The following DMD variants were observed in gnomAD, a reference collection of about 807,000 sequenced individuals.
DMD encodes the protein dystrophin, also known as mutant dystrophin.
Under a neutral mutation model 330.1 loss-of-function variants are expected in DMD, and 63 were observed. The observed-to-expected ratio is 0.19, with a 90% CI of 0.16 to 0.24. DMD has a LOEUF of 0.24. Among genes scored for constraint, DMD ranks in the 10% least tolerant of loss-of-function variants. The probability of loss-of-function intolerance (pLI) is 1.00; values close to 1 mark genes in which losing one functional copy is unlikely to be tolerated. For missense variants in DMD, 3,344 were observed against 2,684.1 expected, an observed-to-expected ratio of 1.25 and a Z score of -5.43; for synonymous variants, 1,223 against 959.8, an observed-to-expected ratio of 1.27 and a Z score of -5.07.
At chrX:32,988,701 G>A (rs1330708814) in intron 2 of DMD, among the ~76,000 whole-genome samples, 2 of 112,271 alleles carry the variant, frequency 1.8e-5, no homozygotes. Flanking sequence ...TAATTGTGTA[G>A]TGTGACTATG....
rs1006311954 is a variant in DMD, at chrX:32,970,642, C to CTGATAA, written c.93+49491_93+49496dup. Among the ~76,000 whole-genome samples the CTGATAA allele has an allele frequency of 7.7e-5, 7 of 91,297 alleles. 1 individual carries two copies. Among genetic ancestry groups the CTGATAA allele is most frequent in the Admixed American group, 2.2e-4 (2 of 9,098 alleles). The allele number at this position is 91,297 out of a possible 115,157, so 79.3% of individuals were successfully genotyped here. A position where few individuals can be genotyped will look rare whatever the true frequency, so the allele number is the denominator to read the frequency against. ...GAGCGAGACTCCATCTCAAATAATACTGATAATGATAATGATAATGATAAT... is the reference window on the plus strand; with the variant it reads ...GAGCGAGACTCCATCTCAAATAATACTGATAATGATAATGATAATGATAATGATAAT... On this transcript the variant is annotated intron_variant, in intron 2 of 78. Coordinates refer to ENST00000357033, the MANE Select transcript of DMD (RefSeq NM_004006.3).
chrX:32,517,885 A>C, intron 18 of DMD, 123 bp downstream of exon 18: 6 of 800,560 alleles, frequency 7.5e-6, no homozygotes, highest in Non-Finnish European at 1.1e-5. Context: ...TTTTTAAGAC[A>C]TATTAAACAG....
chrX:32,702,796 T>C (rs183011883), intron 7 of DMD, among the ~76,000 whole-genome samples: 1 of 111,184 alleles, frequency 9.0e-6, no homozygotes, highest in Non-Finnish European at 1.9e-5. Flanking sequence ...AATGACTTCA[T>C]TCAATTTTCA....
At chrX:33,093,901 A>G (rs1303931980) in intron 1 of DMD, among the ~76,000 whole-genome samples, 2 of 111,725 alleles carry the variant, frequency 1.8e-5, no homozygotes, top group African/African-American at 3.2e-5. Flanking sequence ...AAACTTCAAT[A>G]TATTTTACAA....
chrX:31,272,656 G>A (rs2051741706), intron 62 of DMD, among the ~76,000 whole-genome samples: 1 of 112,095 alleles, frequency 8.9e-6, no homozygotes, highest in African/African-American at 3.2e-5. Flanking sequence ...ACACATTTTT[G>A]TAAAAAAATC....
chrX:31,951,002 C>A (rs925214353), intron 45 of DMD, among the ~76,000 whole-genome samples: 9 of 104,989 alleles, frequency 8.6e-5, no homozygotes, highest in Non-Finnish European at 1.8e-4. Context: ...TATCCCATAT[C>A]CAAAATGCTT....
intron 2 of DMD, among the ~76,000 whole-genome samples, chrX:32,920,475 T>TCC (rs1271433502): frequency 9.1e-6 from 1 of 109,504 alleles, no homozygotes; most frequent in Non-Finnish European, 1.9e-5. Context: ...TACATTCTCC[T>TCC]CCCTCCCATC....
At chrX:32,162,995 C>T (rs1395411902) in intron 44 of DMD, among the ~76,000 whole-genome samples, 1 of 111,718 alleles carries the variant, frequency 9.0e-6, no homozygotes, top group Non-Finnish European at 1.9e-5. Context: ...GAATCCCATA[C>T]TTTCATCCAA....
chrX:33,229,668 A>G (rs2052355532), intron 1 of DMD, among the ~76,000 whole-genome samples: 1 of 112,015 alleles, frequency 8.9e-6, no homozygotes, highest in Non-Finnish European at 1.9e-5. Context: ...CTGTAGCTAC[A>G]TAATAAGCCT....
rs768816382 is a variant in DMD at position 33,300,372 on chromosome X, C to T, written c.7+38887G>A. ...CATAAAGGCATGAGATTATCAGGCA[C>T]CCATGTCAATATGATCAGGTGAAAA... On this transcript the variant is annotated intron_variant, in intron 1 of 17. Transcript: ENST00000288447. Among the ~76,000 whole-genome samples the T allele has an allele frequency of 2.0e-3, 224 of 112,274 alleles. 2 individuals carry two copies. The highest frequency in any genetic ancestry group is 7.0e-3 in the African/African-American group (216 of 30,969).
At chrX:32,739,076 A>C (rs185926825) in intron 7 of DMD, among the ~76,000 whole-genome samples, 2 of 112,272 alleles carry the variant, frequency 1.8e-5, no homozygotes, top group East Asian at 5.6e-4. Context: ...AAATGTTTCA[A>C]ATCAACTAAT....
intron 48 of DMD, among the ~76,000 whole-genome samples, chrX:31,860,483 G>C (rs1238288795): frequency 9.0e-6 from 1 of 111,435 alleles, no homozygotes; most frequent in Admixed American, 9.5e-5. Flanking sequence ...TGGTGTCCAA[G>C]ATGGGTAAAG....
At chrX:32,562,882 T>C (rs1332299494) in intron 16 of DMD, among the ~76,000 whole-genome samples, 1 of 111,646 alleles carries the variant, frequency 9.0e-6, no homozygotes, top group Non-Finnish European at 1.9e-5. Flanking sequence ...TTTGGATCAA[T>C]CCCATGACAG....
chrX:31,524,233 C>T (rs778277986), intron 55 of DMD, among the ~76,000 whole-genome samples: 1 of 111,772 alleles, frequency 8.9e-6, no homozygotes, highest in African/African-American at 3.3e-5. Context: ...AGGGAAAATA[C>T]GCCTCTGAGT....
intron 49 of DMD, among the ~76,000 whole-genome samples, chrX:31,828,128 T>C (rs894628041): frequency 1.8e-5 from 2 of 111,637 alleles, no homozygotes; most frequent in African/African-American, 6.5e-5. Flanking sequence ...AAATAGTTCT[T>C]TGAAAAGATA....
At chrX:31,950,216 A>G (rs1340732351) in intron 45 of DMD, among the ~76,000 whole-genome samples, 1 of 111,527 alleles carries the variant, frequency 9.0e-6, no homozygotes, top group Non-Finnish European at 1.9e-5. Flanking sequence ...TTCAGTTCAA[A>G]ATATTTTATA....
At chrX:31,368,985 C>T (rs2059406113) in intron 60 of DMD, among the ~76,000 whole-genome samples, 1 of 111,648 alleles carries the variant, frequency 9.0e-6, no homozygotes, top group African/African-American at 3.3e-5. Context: ...TAACCCCTCA[C>T]TACAAAGCCA....
intron 43 of DMD, among the ~76,000 whole-genome samples, chrX:32,265,232 A>C (rs1451278177): frequency 8.9e-6 from 1 of 112,254 alleles, no homozygotes; most frequent in African/African-American, 3.2e-5. Flanking sequence ...CACTCCAGCC[A>C]TGGCTAAAAG....
intron 2 of DMD, among the ~76,000 whole-genome samples, chrX:32,969,027 C>CCAAAAAAAAAAA (rs2092280100): frequency 7.1e-4 from 14 of 19,823 alleles, no homozygotes; most frequent in African/African-American, 2.0e-3. Flanking sequence ...GATTCTGTCT[C>CCAAAAAAAAAAA]AAAAAAAAAA....
Sources: allele counts gnomAD v4.1 joint callset (sites outside exome capture counted in the v4.1 genomes callset), GRCh38; gene constraint gnomAD v4.1.1; transcripts MANE v1.5; gene names NCBI Gene and HGNC (gene_info 2026-07-23, HGNC 2026-07-21).